The following MAP2 variants were observed in gnomAD, a reference collection of about 807,000 sequenced individuals.
The protein encoded by MAP2 is microtubule-associated protein 2.
MAP2 carries 14 observed loss-of-function variants against 137.6 expected under a neutral mutation model. That is an observed-to-expected ratio of 0.10 (90% CI 0.07 to 0.16). The LOEUF (loss-of-function observed/expected upper bound fraction) is 0.16, where lower values mean the gene tolerates loss of function less well. MAP2 is among the 10% of genes least tolerant of loss of function. MAP2 has a pLI of 1.00. For synonymous variants in MAP2, 786 were observed against 782.3 expected, an observed-to-expected ratio of 1.00 and a Z score of -0.08; for missense variants, 2,088 against 2,191.5, an observed-to-expected ratio of 0.95 and a Z score of 0.94.
intron 5 of MAP2, among the ~76,000 whole-genome samples, chr2:209,671,775 G>A (rs1252155445): frequency 6.6e-6 from 1 of 151,740 alleles, no homozygotes. Context: ...ATATGCCAAG[G>A]TGCTTGGATT....
intron 1 of MAP2, among the ~76,000 whole-genome samples, chr2:209,428,440 A>G (rs1277804067): frequency 1.3e-5 from 2 of 149,674 alleles, no homozygotes; most frequent in African/African-American, 2.5e-5. Flanking sequence ...TTTTAAGATC[A>G]CATACCTTGA....
At chr2:209,646,371 T>A (rs2094423962) in intron 4 of MAP2, among the ~76,000 whole-genome samples, 1 of 152,240 alleles carries the variant, frequency 6.6e-6, no homozygotes, top group Admixed American at 6.5e-5. Flanking sequence ...TTTGGCTGCC[T>A]ATGGGCAAGT....
intron 2 of MAP2, among the ~76,000 whole-genome samples, chr2:209,547,215 G>A (rs1379679098): frequency 6.6e-6 from 1 of 152,064 alleles, no homozygotes; most frequent in African/African-American, 2.4e-5. Context: ...GGAGAGGGTG[G>A]CCTCTGTGCT....
intron 7 of MAP2, 41 bp from the exon 8 acceptor site, chr2:209,692,584 C>T (rs761022392): frequency 5.3e-6 from 8 of 1,519,936 alleles, no homozygotes; most frequent in African/African-American, 2.8e-5. Flanking sequence ...CCTGAACGCA[C>T]TTGCCTATTA....
At chr2:209,528,924 A>G (rs1467277741) in intron 2 of MAP2, among the ~76,000 whole-genome samples, 2 of 148,874 alleles carry the variant, frequency 1.3e-5, no homozygotes, top group Admixed American at 6.6e-5. Flanking sequence ...ACACACATAC[A>G]TATATATACA....
chr2:209,541,357 G>A (rs1466357600), intron 2 of MAP2, among the ~76,000 whole-genome samples: 1 of 151,254 alleles, frequency 6.6e-6, no homozygotes, highest in Non-Finnish European at 1.5e-5. Flanking sequence ...CTTTCTGCAA[G>A]TCATAGTCTT....
chr2:209,684,167 A>G (rs950257336), intron 7 of MAP2, among the ~76,000 whole-genome samples: 1 of 152,146 alleles, frequency 6.6e-6, no homozygotes, highest in Non-Finnish European at 1.5e-5. Flanking sequence ...TGTCATTTGG[A>G]CTGAGCTATT....
intron 13 of MAP2, chr2:209,723,510 C>A: frequency 1.3e-6 from 1 of 772,622 alleles, no homozygotes; most frequent in East Asian, 2.5e-5. Flanking sequence ...AATCTAAAGC[C>A]TCTTTGATGC....
At position 209,730,396 on chromosome 2, in the gene MAP2, G is replaced by A. The variant is rs1394462236; in HGVS notation, c.5483G>A (p.Ter1828=). The change falls in exon 16 of 16, where the codon TGA becomes TAA. Residue 1828 remains the stop codon, a stop_retained_variant. Transcript: ENST00000682079. ...GCTGCACTCGCTAAGCAGGGCTTGT[G>A]AATATTTCTCATTTAGCATTGAAAT... is the stretch of plus-strand genomic sequence containing the variant. ...VTAALAKQGL[*] 1.2e-6 allele frequency: 2 copies of A among 1,611,410 alleles called. No homozygotes were observed. The highest frequency in any genetic ancestry group is 1.3e-5 in the African/African-American group (1 of 74,978).
At chr2:209,539,810 C>T (rs764586432) in intron 2 of MAP2, among the ~76,000 whole-genome samples, 2 of 151,560 alleles carry the variant, frequency 1.3e-5, no homozygotes, top group African/African-American at 4.9e-5. Flanking sequence ...ATAAAAGTCA[C>T]TTTCGTGCTG....
intron 3 of MAP2, among the ~76,000 whole-genome samples, chr2:209,609,430 A>AT (rs896914338): frequency 2.0e-5 from 3 of 152,166 alleles, no homozygotes; most frequent in African/African-American, 7.2e-5. Context: ...TTATGCAAGC[A>AT]TATCCATTAT....
intron 5 of MAP2, among the ~76,000 whole-genome samples, chr2:209,667,906 C>T (rs2047043376): frequency 6.6e-6 from 1 of 151,976 alleles, no homozygotes; most frequent in South Asian, 2.1e-4. Flanking sequence ...TCTTCATTTT[C>T]TTCAAGTCAG....
intron 13 of MAP2, among the ~76,000 whole-genome samples, chr2:209,712,638 A>G (rs1487863686): frequency 6.6e-6 from 1 of 152,162 alleles, no homozygotes; most frequent in Non-Finnish European, 1.5e-5. Flanking sequence ...GCGCATTGCA[A>G]TTGAACTGTC....
At chr2:209,572,846 A>T (rs1306221654) in intron 2 of MAP2, among the ~76,000 whole-genome samples, 1 of 152,222 alleles carries the variant, frequency 6.6e-6, no homozygotes, top group Admixed American at 6.5e-5. Context: ...CAGCCATGAG[A>T]GTGATTTACA....
At chr2:209,488,245 A>G (rs770325462) in intron 1 of MAP2, among the ~76,000 whole-genome samples, 2 of 152,198 alleles carry the variant, frequency 1.3e-5, no homozygotes, top group Admixed American at 1.3e-4. Context: ...AGACGGAGCT[A>G]TCTGGCCCAC....
intron 1 of MAP2, among the ~76,000 whole-genome samples, chr2:209,482,012 C>T (rs2886436): frequency 0.58 from 88,025 of 151,940 alleles, 25,878 homozygotes; most frequent in Middle Eastern, 0.65. Flanking sequence ...TTGATTTTAC[C>T]GTGGAACTTC....
intron 1 of MAP2, among the ~76,000 whole-genome samples, chr2:209,498,961 T>G (rs1252183203): frequency 6.6e-6 from 1 of 152,184 alleles, no homozygotes; most frequent in Non-Finnish European, 1.5e-5. Flanking sequence ...ATTATGCAAA[T>G]TTCTCTAGCA....
chr2:209,458,242 G>A (rs1559187108), intron 1 of MAP2, among the ~76,000 whole-genome samples: 1 of 152,130 alleles, frequency 6.6e-6, no homozygotes, highest in African/African-American at 2.4e-5. Flanking sequence ...TGGAGTCACA[G>A]AAGAATGTAA....
chr2:209,705,938 C>A (rs918444809), intron 12 of MAP2, among the ~76,000 whole-genome samples: 5 of 152,008 alleles, frequency 3.3e-5, no homozygotes, highest in Non-Finnish European at 7.4e-5. Flanking sequence ...TAACATATTA[C>A]CCTATTATCT....
Sources: allele counts gnomAD v4.1 joint callset (sites outside exome capture counted in the v4.1 genomes callset), GRCh38; gene constraint gnomAD v4.1.1; transcripts MANE v1.5; gene names NCBI Gene and HGNC (gene_info 2026-07-23, HGNC 2026-07-21).